GSG1L: variants seen among roughly 807,000 people sequenced by gnomAD.
GSG1L encodes the protein GSG1 like.
GSG1L carries 24 observed loss-of-function variants against 42.1 expected under a neutral mutation model. The observed-to-expected ratio is 0.57, with a 90% CI of 0.41 to 0.80. The LOEUF (loss-of-function observed/expected upper bound fraction) is 0.80. GSG1L is among the 30% of genes least tolerant of loss of function. The pLI, the probability that GSG1L is intolerant of heterozygous loss-of-function variation, is 0.00. For synonymous variants in GSG1L, 215 were observed against 203.5 expected, an observed-to-expected ratio of 1.06 and a Z score of -0.48; for missense variants, 445 against 472.2, an observed-to-expected ratio of 0.94 and a Z score of 0.53.
intron 3 of GSG1L, among the ~76,000 whole-genome samples, chr16:27,870,772 C>T (rs2083810346): frequency 6.6e-6 from 1 of 151,542 alleles, no homozygotes; most frequent in South Asian, 2.1e-4. Context: ...CCATGACTCC[C>T]ACCCTTGCCC....
intron 2 of GSG1L, among the ~76,000 whole-genome samples, chr16:27,920,202 C>T (rs1022192650): frequency 6.6e-6 from 1 of 150,458 alleles, no homozygotes; most frequent in Non-Finnish European, 1.5e-5. Context: ...TTGTTGTGCA[C>T]GATCAATTAA....
chr16:27,800,969 G>C (rs1035192404), intron 6 of GSG1L, among the ~76,000 whole-genome samples: 7 of 152,164 alleles, frequency 4.6e-5, no homozygotes, highest in African/African-American at 1.7e-4. Context: ...CGGTGATATG[G>C]GGATGACTGG....
At chr16:28,013,565 C>G (rs561681485) in intron 1 of GSG1L, among the ~76,000 whole-genome samples, 2 of 152,222 alleles carry the variant, frequency 1.3e-5, no homozygotes, top group Non-Finnish European at 2.9e-5. Context: ...GGTGACTGTA[C>G]GTCCACACAT....
chr16:27,852,668 C>T (rs566319853), intron 3 of GSG1L, among the ~76,000 whole-genome samples: 38 of 152,210 alleles, frequency 2.5e-4, no homozygotes, highest in Admixed American at 8.5e-4. Flanking sequence ...CAGGGATAAA[C>T]GAGGACATTC....
chr16:27,842,883 C>G (rs777830303), intron 4 of GSG1L, among the ~76,000 whole-genome samples: 2 of 152,076 alleles, frequency 1.3e-5, no homozygotes, highest in Non-Finnish European at 2.9e-5. Flanking sequence ...CTGCCTAGCA[C>G]CTGATTCCCT....
intron 2 of GSG1L, among the ~76,000 whole-genome samples, chr16:27,923,465 C>T (rs2084551198): frequency 6.6e-6 from 1 of 152,194 alleles, no homozygotes; most frequent in African/African-American, 2.4e-5. Context: ...GCCAAAAACG[C>T]CAGGCAAAGT....
chr16:27,935,474 G>T (rs144740911), intron 2 of GSG1L, among the ~76,000 whole-genome samples: 8 of 151,558 alleles, frequency 5.3e-5, no homozygotes, highest in Non-Finnish European at 7.4e-5. Flanking sequence ...ACCACTTAGC[G>T]TTAGGCTCTC....
intron 1 of GSG1L, among the ~76,000 whole-genome samples, chr16:27,989,136 G>A (rs2141133250): frequency 6.6e-6 from 1 of 151,956 alleles, no homozygotes; most frequent in South Asian, 2.1e-4. Context: ...GTCTTTATTA[G>A]GGCTTTGGAT....
chr16:27,961,343 C>T (rs1458099928), intron 2 of GSG1L, among the ~76,000 whole-genome samples: 1 of 152,212 alleles, frequency 6.6e-6, no homozygotes, highest in Non-Finnish European at 1.5e-5. Context: ...GCAAAGTTGA[C>T]CCAGGAGCTC....
chr16:27,791,495 G>A (rs1312425555), intron 6 of GSG1L, 28 bp from the exon 7 acceptor site: 3 of 1,418,062 alleles, frequency 2.1e-6, no homozygotes, highest in African/African-American at 2.9e-5. Flanking sequence ...GGTCAGTGCT[G>A]AAAGCCACCT....
At chr16:27,829,027 A>C in intron 4 of GSG1L, 71 bp from the exon 5 acceptor site, 1 of 1,439,202 alleles carries the variant, frequency 6.9e-7, no homozygotes, top group Non-Finnish European at 9.6e-7. Context: ...CACACCCACC[A>C]AACATTCATT....
At position 27,929,532 on chromosome 16, in the gene GSG1L, G is replaced by C. The variant is rs182902279; in HGVS notation, c.397+33624C>G. On this transcript the variant is annotated intron_variant, in intron 2 of 6. Coordinates refer to ENST00000447459, the MANE Select transcript of GSG1L (RefSeq NM_001109763.2). The stretch of plus-strand genomic sequence containing the variant: ...TCCCTTCTGGAGAGAATCTGCCTGC[G>C]AATAAAGCCGTAACAGAGGAACTGC... 3.0e-4 allele frequency among the ~76,000 whole-genome samples: 46 copies of C among 152,242 alleles called. 1 individual carries two copies. Among genetic ancestry groups the C allele is most frequent in the African/African-American group, 1.0e-3 (43 of 41,522 alleles).
rs745604 is a variant in GSG1L at position 27,788,356 on chromosome 16, T to C, written c.*3014A>G. On this transcript the variant is annotated 3_prime_UTR_variant, in exon 7 of 7. Coordinates refer to ENST00000447459, the MANE Select transcript of GSG1L (RefSeq NM_001109763.2). ...TCCCACAACTATTCTGTGCCCATAG[T>C]TGCGGTGATCTTCCTCAAATGTACA... 98,509 of 152,032 alleles carry C rather than the reference T, an allele frequency of 0.65. 32,120 individuals are homozygous for C. Among genetic ancestry groups the C allele is most frequent in the Admixed American group, 0.72 (11,034 of 15,272 alleles). The allele number at this position is 152,032 out of a possible 1,614,324, so 9.4% of individuals were successfully genotyped here. A position where few individuals can be genotyped will look rare whatever the true frequency, so the allele number is the denominator to read the frequency against.
At chr16:27,867,906 C>CT (rs1395990175) in intron 3 of GSG1L, among the ~76,000 whole-genome samples, 2 of 152,370 alleles carry the variant, frequency 1.3e-5, no homozygotes, top group East Asian at 3.9e-4. Context: ...TCCCAACCTC[C>CT]TTGCGTTTCT....
chr16:27,863,475 G>T (rs1366242830), intron 3 of GSG1L: 1 of 151,970 alleles, frequency 6.6e-6, no homozygotes, highest in Non-Finnish European at 1.5e-5. Context: ...GTCTTTTAAA[G>T]TGTGCCTCTT....
intron 3 of GSG1L, among the ~76,000 whole-genome samples, chr16:27,870,907 C>T (rs1409634762): frequency 2.0e-5 from 3 of 151,368 alleles, no homozygotes; most frequent in Non-Finnish European, 4.4e-5. Flanking sequence ...GCCGTGCTCT[C>T]CAGCCTGTAC....
chr16:27,799,957 C>T (rs1485780552), intron 6 of GSG1L, among the ~76,000 whole-genome samples: 10 of 152,244 alleles, frequency 6.6e-5, no homozygotes, highest in Middle Eastern at 3.4e-3. Context: ...GCATCAGCAT[C>T]GTGGAGAACT....
intron 2 of GSG1L, among the ~76,000 whole-genome samples, chr16:27,957,144 G>A (rs375806932): frequency 6.6e-6 from 1 of 152,128 alleles, no homozygotes; most frequent in Non-Finnish European, 1.5e-5. Context: ...AGGTCAGGAG[G>A]TCGAGATCAG....
In GSG1L at chr16:27,911,266, G is replaced by GCTCGCTCTCTCTCTCT. The variant is rs568864667; in HGVS notation, c.398-26629_398-26628insAGAGAGAGAGAGCGAG. Among the ~76,000 whole-genome samples, 525 of 122,118 alleles carry GCTCGCTCTCTCTCTCT rather than the reference G, an allele frequency of 4.3e-3. 10 individuals are homozygous for GCTCGCTCTCTCTCTCT. Among genetic ancestry groups the GCTCGCTCTCTCTCTCT allele is most frequent in the African/African-American group, 0.017 (491 of 28,602 alleles). The allele number at this position is 122,118 out of a possible 152,430, so 80.1% of individuals were successfully genotyped here. A position where few individuals can be genotyped will look rare whatever the true frequency, so the allele number is the denominator to read the frequency against. On this transcript the variant is annotated intron_variant, in intron 2 of 6. Coordinates refer to ENST00000447459, the MANE Select transcript of GSG1L (RefSeq NM_001109763.2). The stretch of plus-strand genomic sequence containing the variant: ...TCTCTAGCCTCATCACCTCTCTCTC[G>GCTCGCTCTCTCTCTCT]CTCTCTCTCTCTCTCTCTCTCTCTC...
Sources: gnomAD v4.1 joint callset for allele counts (sites outside exome capture counted in the v4.1 genomes callset) on GRCh38, gnomAD v4.1.1 for gene constraint, MANE v1.5 for transcripts, NCBI Gene and HGNC (gene_info 2026-07-23, HGNC 2026-07-21) for gene names.